The following CSRP1 variants were observed in gnomAD, a reference collection of about 807,000 sequenced individuals.
CSRP1 encodes the protein cysteine and glycine-rich protein 1.
CSRP1 carries 16 observed loss-of-function variants against 25.4 expected under a neutral mutation model. The ratio of observed to expected loss-of-function variants is 0.63; its 90% CI spans 0.43 to 0.96. The LOEUF is 0.96. CSRP1 is among the 40% of genes least tolerant of loss of function. The probability of loss-of-function intolerance (pLI) is 0.00; values close to 1 mark genes in which losing one functional copy is unlikely to be tolerated. For synonymous variants in CSRP1, 97 were observed against 95.3 expected, an observed-to-expected ratio of 1.02 and a Z score of -0.10; for missense variants, 212 against 243.6, an observed-to-expected ratio of 0.87 and a Z score of 0.86.
Position 201,490,322 on chromosome 1 carries a change from G to C in CSRP1, c.135C>G (p.Asp45Glu). Residue 45 changes from aspartate to glutamate, a missense_variant, in exon 3 of 6, where the codon GAC (aspartate) becomes GAG (glutamate). Physicochemically the swap from Asp to Glu is conservative, Grantham distance 45. Coordinates refer to ENST00000340006, the MANE Select transcript of CSRP1 (RefSeq NM_004078.3). ...CACCATGCACGGCCACAGTGGTACT[G>C]TCCAGATTCTTCTTGCAGACCACTG... ...FLCMVCKKNL[D>E]STTVAVHGEE... 6.2e-7 allele frequency: 1 copy of C among 1,614,188 alleles called. No individual in the cohort carries two copies. The highest frequency in any genetic ancestry group is 1.7e-4 in the Middle Eastern group (1 of 6,050).
In CSRP1 at chr1:201,484,635, G is replaced by T; in HGVS notation, c.*78C>A. 1 of 1,287,062 alleles carries T rather than the reference G, an allele frequency of 7.8e-7. No homozygotes were observed. The allele number at this position is 1,287,062 out of a possible 1,614,324, so 79.7% of individuals were successfully genotyped here. A position where few individuals can be genotyped will look rare whatever the true frequency, so the allele number is the denominator to read the frequency against. ...CAGGGCTGACAGAGAAATAATCCTG[G>T]AGGTCTCCAAAGCTGCTGGGAATGG... On this transcript the variant is annotated 3_prime_UTR_variant, in exon 6 of 6. Coordinates refer to ENST00000340006, the MANE Select transcript of CSRP1 (RefSeq NM_004078.3).
At chr1:201,492,308 C>T (rs891966577) in intron 2 of CSRP1, 1 of 152,344 alleles carries the variant, frequency 6.6e-6, no homozygotes, top group Non-Finnish European at 1.5e-5. Context: ...GATGGCTCCC[C>T]TGCCGAGGAC....
intron 3 of CSRP1, 200 bp from the exon 4 acceptor site, chr1:201,489,184 C>T: frequency 1.9e-6 from 1 of 536,192 alleles, no homozygotes. Context: ...ATGTTATTTC[C>T]ATTGTAACAT....
chr1:201,489,313 A>T (rs1664252570), intron 3 of CSRP1: 1 of 194,606 alleles, frequency 5.1e-6, no homozygotes, highest in African/African-American at 2.3e-5. Context: ...TTTACAGGAG[A>T]AATCTGCTGA....
intron 1 of CSRP1, among the ~76,000 whole-genome samples, chr1:201,504,317 C>A (rs1664750627): frequency 6.6e-6 from 1 of 152,202 alleles, no homozygotes; most frequent in Admixed American, 6.5e-5. Context: ...CAAGATAACA[C>A]ATGTGAAGTA....
intron 2 of CSRP1, 98 bp from the exon 3 acceptor site, chr1:201,490,442 T>C: frequency 8.1e-7 from 1 of 1,239,778 alleles, no homozygotes; most frequent in Non-Finnish European, 1.1e-6. Flanking sequence ...CTGGCCTCTT[T>C]GCATACATAA....
At chr1:201,489,911 T>TG (rs2102405853) in intron 3 of CSRP1, 1 of 375,820 alleles carries the variant, frequency 2.7e-6, no homozygotes, top group African/African-American at 2.0e-5. Flanking sequence ...AAGTGATTCT[T>TG]GGGGCCCCTC....
rs1664293220 is a variant in CSRP1, at chr1:201,490,235, C to T, written c.222G>A (p.Gly74=). ...KKYGPKGYGY[G]QGAGTLSTDK... ...CAGTGCTGAGGGTGCCTGCGCCCTG[C>T]CCGTAGCCATAGCCTTTGGGCCCAT... Residue 74 remains glycine (G), a synonymous_variant, in exon 3 of 6, where the codon GGG becomes GGA. Coordinates refer to ENST00000340006, the MANE Select transcript of CSRP1 (RefSeq NM_004078.3). 2 of 1,614,178 alleles carry T rather than the reference C, an allele frequency of 1.2e-6. No homozygotes were observed. The highest frequency in any genetic ancestry group is 1.7e-4 in the Middle Eastern group (1 of 6,054).
At chr1:201,499,552 C>T (rs576454717) in intron 1 of CSRP1, among the ~76,000 whole-genome samples, 77 of 152,320 alleles carry the variant, frequency 5.1e-4, no homozygotes, top group Middle Eastern at 3.4e-3. Context: ...GGAACTCAGC[C>T]ATGGCACCCA....
intron 1 of CSRP1, among the ~76,000 whole-genome samples, chr1:201,498,531 C>T (rs538681291): frequency 1.5e-4 from 23 of 152,330 alleles, no homozygotes; most frequent in East Asian, 3.9e-4. Flanking sequence ...CTCCTGGTAA[C>T]AGGGCTTGCA....
chr1:201,496,075 T>G, intron 2 of CSRP1, 117 bp downstream of exon 2: 1 of 752,040 alleles, frequency 1.3e-6, no homozygotes, highest in Non-Finnish European at 2.3e-6. Context: ...CAGCCAAATG[T>G]CAAGCTGTTT....
intron 1 of CSRP1, among the ~76,000 whole-genome samples, chr1:201,504,003 T>C (rs545102859): frequency 2.0e-5 from 3 of 152,298 alleles, no homozygotes; most frequent in East Asian, 3.9e-4. Flanking sequence ...CCCTGATCCA[T>C]CCAAGTGAAA....
chr1:201,484,600 T>C lies in CSRP1; in HGVS notation c.*113A>G, dbSNP rs574716858. ...CAGATGCCCAAGTTCAAGTCATTAGTGATATGTGGCAGGGCTGACAGAGAA... is the reference window on the plus strand; with the variant it reads ...CAGATGCCCAAGTTCAAGTCATTAGCGATATGTGGCAGGGCTGACAGAGAA... On this transcript the variant is annotated 3_prime_UTR_variant, in exon 6 of 6. Coordinates refer to ENST00000340006, the MANE Select transcript of CSRP1 (RefSeq NM_004078.3). The C allele has an allele frequency of 7.8e-6, 8 of 1,020,016 alleles. No individual in the cohort carries two copies. Among genetic ancestry groups the C allele is most frequent in the Non-Finnish European group, 1.2e-5 (8 of 684,224 alleles). The allele number at this position is 1,020,016 out of a possible 1,614,324, so 63.2% of individuals were successfully genotyped here. A position where few individuals can be genotyped will look rare whatever the true frequency, so the allele number is the denominator to read the frequency against.
intron 1 of CSRP1, among the ~76,000 whole-genome samples, chr1:201,505,137 C>T (rs1276876733): frequency 6.6e-6 from 1 of 152,160 alleles, no homozygotes; most frequent in Non-Finnish European, 1.5e-5. Context: ...AAAACCTACG[C>T]CTTTTTTCTC....
chr1:201,501,178 C>T (rs1009216332), intron 1 of CSRP1, among the ~76,000 whole-genome samples: 1 of 152,220 alleles, frequency 6.6e-6, no homozygotes, highest in Non-Finnish European at 1.5e-5. Context: ...GCCCGCCCCT[C>T]TGACTACCAC....
At chr1:201,504,137 AAAAT>A (rs1482947685) in intron 1 of CSRP1, among the ~76,000 whole-genome samples, 1 of 152,262 alleles carries the variant, frequency 6.6e-6, no homozygotes, top group Non-Finnish European at 1.5e-5. Context: ...GGAGCAAAGA[AAAAT>A]AATAAGGTAG....
In CSRP1 at chr1:201,484,456, C is replaced by T. The variant is rs557850077; in HGVS notation, c.*257G>A. 9.0e-6 allele frequency: 5 copies of T among 555,316 alleles called. No homozygotes were observed. The highest frequency in any genetic ancestry group is 2.9e-5 in the East Asian group (1 of 34,440). 34.4% of individuals were successfully genotyped at this position (555,316 alleles called of 1,614,324 possible). A position where few individuals can be genotyped will look rare whatever the true frequency, so the allele number is the denominator to read the frequency against. On this transcript the variant is annotated 3_prime_UTR_variant, in exon 6 of 6. Coordinates refer to ENST00000340006, the MANE Select transcript of CSRP1 (RefSeq NM_004078.3). ...GTGGGGCGAGGTGTGGGGAGAGGGG[C>T]CTGCTCTCACCTAGACCCAAAACAC...
intron 1 of CSRP1, chr1:201,506,729 A>C (rs889231698): frequency 1.3e-5 from 2 of 152,194 alleles, no homozygotes; most frequent in Non-Finnish European, 2.9e-5. Flanking sequence ...GGTGGCACGG[A>C]TGCCCTCATC....
At chr1:201,495,505 A>G (rs1664482233) in intron 2 of CSRP1, 1 of 152,274 alleles carries the variant, frequency 6.6e-6, no homozygotes, top group Non-Finnish European at 1.5e-5. Context: ...ACATCCTGGA[A>G]ACATCACCTG....
Sources: allele counts gnomAD v4.1 joint callset (sites outside exome capture counted in the v4.1 genomes callset), GRCh38; gene constraint gnomAD v4.1.1; transcripts MANE v1.5; gene names NCBI Gene and HGNC (gene_info 2026-07-23, HGNC 2026-07-21).